Variants in PHTF2 observed in about 807,000 individuals in gnomAD.
PHTF2 encodes the protein putative homeodomain transcription factor 2, also known as protein PHTF2.
A neutral mutation model predicts 101.2 loss-of-function variants in PHTF2; 60 were observed. The ratio of observed to expected loss-of-function variants is 0.59; its 90% CI spans 0.48 to 0.73. The LOEUF (loss-of-function observed/expected upper bound fraction) is 0.73, where lower values mean the gene tolerates loss of function less well. Ranked by LOEUF, PHTF2 falls within the 30% of genes least tolerant of loss-of-function variation. The pLI, the probability that PHTF2 is intolerant of heterozygous loss-of-function variation, is 0.00. For synonymous variants in PHTF2, 311 were observed against 307.3 expected (o/e 1.01, Z -0.13); for missense variants, 747 against 908.7 (o/e 0.82, Z 2.29).
chr7:77,896,020 TAAAG>T (rs1338165266), intron 5 of PHTF2: 6 of 152,122 alleles, frequency 3.9e-5, no homozygotes, highest in Non-Finnish European at 8.8e-5. Flanking sequence ...GAGACAAAAT[TAAAG>T]AAAAGTTGTT....
intron 16 of PHTF2, among the ~76,000 whole-genome samples, chr7:77,948,571 C>A (rs1806280836): frequency 6.6e-6 from 1 of 151,836 alleles, no homozygotes; most frequent in Non-Finnish European, 1.5e-5. Flanking sequence ...CATTATAGAA[C>A]TAAGTTCTAC....
intron 3 of PHTF2, among the ~76,000 whole-genome samples, chr7:77,874,125 T>C (rs1368465052): frequency 6.6e-6 from 1 of 152,218 alleles, no homozygotes; most frequent in Non-Finnish European, 1.5e-5. Context: ...GTCACTAAAC[T>C]CCTTGCCTCT....
chr7:77,912,503 T>G (rs1429028846), intron 9 of PHTF2, among the ~76,000 whole-genome samples: 2 of 152,092 alleles, frequency 1.3e-5, no homozygotes, highest in Non-Finnish European at 2.9e-5. Context: ...CAAAATTGTT[T>G]CTGGTGATAA....
chr7:77,860,094 G>T (rs1797510252), intron 3 of PHTF2, among the ~76,000 whole-genome samples: 1 of 152,032 alleles, frequency 6.6e-6, no homozygotes, highest in Non-Finnish European at 1.5e-5. Context: ...CCTAATCTTG[G>T]AGGATTGTCA....
chr7:77,908,890 T>C (rs773668092), exon 8 of PHTF2: 2 of 1,613,252 alleles, frequency 1.2e-6, no homozygotes, highest in Non-Finnish European at 1.7e-6. Flanking sequence ...TCCTGGGAAC[T>C]GTGCATTGCC....
intron 1 of PHTF2, among the ~76,000 whole-genome samples, chr7:77,827,172 T>G (rs1041928534): frequency 6.6e-6 from 1 of 152,098 alleles, no homozygotes; most frequent in Non-Finnish European, 1.5e-5. Context: ...AAAGAATGAT[T>G]TTTGTCACTT....
At chr7:77,818,894 G>T (rs537056631) in intron 1 of PHTF2, among the ~76,000 whole-genome samples, 5 of 151,776 alleles carry the variant, frequency 3.3e-5, no homozygotes, top group Non-Finnish European at 7.4e-5. Flanking sequence ...TCTTTCATTT[G>T]TTTGTATCCT....
chr7:77,850,704 G>A (rs984636175), intron 2 of PHTF2, among the ~76,000 whole-genome samples: 31 of 151,934 alleles, frequency 2.0e-4, no homozygotes, highest in African/African-American at 7.2e-4. Flanking sequence ...GGCTTTGGGG[G>A]GAAAAAAACA....
chr7:77,875,356 C>CTG (rs1314170838), intron 3 of PHTF2, among the ~76,000 whole-genome samples: 5 of 151,190 alleles, frequency 3.3e-5, no homozygotes, highest in South Asian at 2.1e-4. Flanking sequence ...AAATCTATTC[C>CTG]TGTGTGTGTG....
intron 7 of PHTF2, among the ~76,000 whole-genome samples, chr7:77,902,659 G>A (rs185372739): frequency 2.6e-5 from 4 of 151,744 alleles, no homozygotes; most frequent in East Asian, 3.9e-4. Flanking sequence ...ATTCCATCAC[G>A]TGAACAAAGC....
intron 1 of PHTF2, among the ~76,000 whole-genome samples, chr7:77,824,771 T>C (rs1794576595): frequency 6.6e-6 from 1 of 152,018 alleles, no homozygotes; most frequent in Non-Finnish European, 1.5e-5. Flanking sequence ...AGTGGCTTAC[T>C]CCTGTAATCC....
intron 7 of PHTF2, among the ~76,000 whole-genome samples, chr7:77,906,935 A>AAG (rs1262188370): frequency 1.8e-4 from 4 of 22,040 alleles, no homozygotes; most frequent in African/African-American, 2.9e-4. Flanking sequence ...AATGGTAGCT[A>AAG]AAAAAAAAAA....
chr7:77,819,876 T>A (rs998630465), intron 1 of PHTF2, among the ~76,000 whole-genome samples: 1 of 152,104 alleles, frequency 6.6e-6, no homozygotes, highest in Admixed American at 6.5e-5. Context: ...ACTTTTCTTT[T>A]ATGGGAGACT....
chr7:77,911,797 G>T (rs1380687326), intron 9 of PHTF2, among the ~76,000 whole-genome samples: 2 of 152,006 alleles, frequency 1.3e-5, no homozygotes, highest in Admixed American at 1.3e-4. Flanking sequence ...AATATGTTTT[G>T]TTTTCGTTTT....
At chr7:77,942,010 C>T (rs1447403779) in intron 15 of PHTF2, among the ~76,000 whole-genome samples, 2 of 152,172 alleles carry the variant, frequency 1.3e-5, no homozygotes, top group African/African-American at 4.8e-5. Context: ...CCACTACATT[C>T]CAACCATTTT....
At chr7:77,869,600 A>G (rs538830732) in intron 3 of PHTF2, among the ~76,000 whole-genome samples, 51 of 152,284 alleles carry the variant, frequency 3.3e-4, no homozygotes, top group East Asian at 1.9e-4. Context: ...GCTAGATCAT[A>G]TGGTAGTTCA....
In PHTF2 at chr7:77,839,160, C is replaced by T. The variant is rs558692515; in HGVS notation, c.-35-1061C>T. Among the ~76,000 whole-genome samples the T allele has an allele frequency of 2.6e-5, 4 of 152,282 alleles. No individual in the cohort carries two copies. The East Asian group carries it at 7.7e-4, about 29-fold the overall frequency. On this transcript the variant is annotated intron_variant, in intron 1 of 19. Transcript: ENST00000416283. ...TTGGCTCAGCAGGGTGCTTTACCCC[C>T]AGGATTTCCCTGAGATCATCCTGTG...
Position 77,858,588 on chromosome 7 carries a change from TTTTG to T in PHTF2, c.147+3770_147+3773del, listed in dbSNP as rs746157310. On this transcript the variant is annotated intron_variant, in intron 3 of 19. Coordinates refer to ENST00000416283, the Ensembl canonical transcript of PHTF2. ...TCATTTGTTTAATTTGAGAGGTTTT[TTTTG>T]TTTGTTTGTTTGTTTTTAGGTGACC... Among the ~76,000 whole-genome samples the T allele has an allele frequency of 1.2e-3, 179 of 152,210 alleles. 1 individual carries two copies. The highest frequency in any genetic ancestry group is 4.1e-3 in the African/African-American group (172 of 41,552).
At chr7:77,863,794 T>G (rs2150683917) in intron 3 of PHTF2, among the ~76,000 whole-genome samples, 1 of 151,502 alleles carries the variant, frequency 6.6e-6, no homozygotes, top group East Asian at 1.9e-4. Flanking sequence ...TTTGTTTTTT[T>G]TTTTTTTTGG....
Sources: gnomAD v4.1 joint callset for allele counts (sites outside exome capture counted in the v4.1 genomes callset) on GRCh38, gnomAD v4.1.1 for gene constraint, MANE v1.5 for transcripts, NCBI Gene and HGNC (gene_info 2026-07-23, HGNC 2026-07-21) for gene names.